PSORS1C1: variants seen among roughly 807,000 people sequenced by gnomAD.
PSORS1C1 encodes the protein psoriasis susceptibility 1 candidate gene 1 protein.
Under a neutral mutation model 9.4 loss-of-function variants are expected in PSORS1C1, and 7 were observed. That is an observed-to-expected ratio of 0.75 (90% CI 0.42 to 1.40). The LOEUF is 1.40. PSORS1C1 is among the 40% of genes most tolerant of loss of function. PSORS1C1 has a pLI of 0.01. For synonymous variants in PSORS1C1, 63 were observed against 69.4 expected (o/e 0.91, Z 0.46); for missense variants, 146 against 178.1 (o/e 0.82, Z 1.02).
At chr6:31,119,719 G>A (rs3095321) in intron 1 of PSORS1C1, among the ~76,000 whole-genome samples, 115,068 of 151,942 alleles carry the variant, frequency 0.76, 43,908 homozygotes, top group South Asian at 0.83. Context: ...CCAAAATGGT[G>A]AAACCCTGTT....
At chr6:31,134,017 C>T (rs1461748785) in intron 3 of PSORS1C1, among the ~76,000 whole-genome samples, 2 of 152,142 alleles carry the variant, frequency 1.3e-5, no homozygotes, top group Non-Finnish European at 2.9e-5. Flanking sequence ...CTTGCTCTGT[C>T]GCCCAGGCTG....
intron 1 of PSORS1C1, chr6:31,117,196 T>A (rs932993278): frequency 3.1e-6 from 5 of 1,613,000 alleles, no homozygotes; most frequent in South Asian, 1.1e-5. Context: ...GTTTCCCGAG[T>A]GAGAGCTGCT....
At chr6:31,124,772 C>A (rs1448909646) in intron 1 of PSORS1C1, among the ~76,000 whole-genome samples, 7 of 152,166 alleles carry the variant, frequency 4.6e-5, no homozygotes, top group Non-Finnish European at 8.8e-5. Flanking sequence ...GAATTTGAAA[C>A]CAGCCTGGCC....
Position 31,139,983 on chromosome 6 carries a change from G to A in PSORS1C1, c.*51G>A. 1 of 1,531,382 alleles carries A rather than the reference G, an allele frequency of 6.5e-7. No individual in the cohort carries two copies. The highest frequency in any genetic ancestry group is 9.0e-7 in the Non-Finnish European group (1 of 1,114,508). 94.9% of individuals were successfully genotyped at this position (1,531,382 alleles called of 1,614,324 possible). On this transcript the variant is annotated 3_prime_UTR_variant, in exon 6 of 6. Coordinates refer to ENST00000259881, the MANE Select transcript of PSORS1C1 (RefSeq NM_014068.3). The surrounding 1 kb of genome is among the most constrained non-coding windows in gnomAD (Gnocchi z 5.2). ...TTTCCCTCAAGGACCTTTCTGCCTG[G>A]AAGTCTGTTAGCCTTTCAGAAGTAA...
Position 31,139,792 on chromosome 6 carries a change from G to A in PSORS1C1, c.319G>A (p.Glu107Lys). ...FASVLPMAPEEAARLQQPQPL... is the reference protein window; with the variant it reads ...FASVLPMAPEKAARLQQPQPL... ...ATCAGTCCTGCCAATGGCTCCGGAA[G>A]AAGCTGCCAGGCTCCAGCAACCTCA... The change falls in exon 6 of 6, where the codon GAA becomes AAA. Residue 107 changes from glutamate to lysine, a missense_variant. Glu to Lys is a moderately conservative substitution (Grantham distance 56). Coordinates refer to ENST00000259881, the MANE Select transcript of PSORS1C1 (RefSeq NM_014068.3). This position sits in a 1 kb window ranked among gnomAD's most constrained non-coding sequence, Gnocchi z 5.2. The A allele has an allele frequency of 1.9e-6, 3 of 1,613,108 alleles. No individual in the cohort carries two copies. The highest frequency in any genetic ancestry group is 2.5e-6 in the Non-Finnish European group (3 of 1,180,032).
At chr6:31,127,417 G>A (rs1223727254) in intron 2 of PSORS1C1, among the ~76,000 whole-genome samples, 1 of 152,026 alleles carries the variant, frequency 6.6e-6, no homozygotes, top group South Asian at 2.1e-4. Flanking sequence ...CTCGTGTCCC[G>A]CTCTGTTCTC....
At position 31,138,745 on chromosome 6, in the gene PSORS1C1, C is replaced by T. The variant is rs771195202; in HGVS notation, c.133C>T (p.Arg45Ter). 3.3e-5 allele frequency: 54 copies of T among 1,613,976 alleles called. No homozygotes were observed. In the South Asian group the frequency reaches 5.5e-4, roughly 16 times the overall value. ...ETRPPHVNPD[R>*]LCHMEPANHF... Reference sequence around the variant, plus strand: ...TCGTCCCCCCCACGTTAATCCTGACCGACTTTGCCACATGGAGCCAGCAAA... The same window carrying T: ...TCGTCCCCCCCACGTTAATCCTGACTGACTTTGCCACATGGAGCCAGCAAA... The change falls in exon 5 of 6, where the codon CGA (arginine) becomes TGA (stop). Residue 45 changes from arginine (R) to a stop codon, truncating the protein, a stop_gained. Coordinates refer to ENST00000259881, the MANE Select transcript of PSORS1C1 (RefSeq NM_014068.3). LOFTEE classifies it low-confidence loss of function (END_TRUNC).
intron 2 of PSORS1C1, among the ~76,000 whole-genome samples, chr6:31,126,295 C>T (rs1425019752): frequency 1.3e-5 from 2 of 152,200 alleles, no homozygotes; most frequent in Non-Finnish European, 2.9e-5. Context: ...TGAGGACGTA[C>T]TGGGGTTTCC....
chr6:31,136,473 G>A (rs572273417), intron 3 of PSORS1C1, among the ~76,000 whole-genome samples: 12 of 152,068 alleles, frequency 7.9e-5, no homozygotes, highest in African/African-American at 1.7e-4. Context: ...GACCTTTGGC[G>A]GCTCTGGGAA....
rs71541434 is a variant in PSORS1C1, at chr6:31,127,820, A to C, written c.-64-1749A>C. ...CAAGAGCGAAACTCTGTCTCAAAAA[A>C]ACACACATACACACACACGTTTGGG... is the stretch of plus-strand genomic sequence containing the variant. On this transcript the variant is annotated intron_variant, in intron 2 of 5. Transcript: ENST00000259881. Among the ~76,000 whole-genome samples, 662 of 150,584 alleles carry C rather than the reference A, an allele frequency of 4.4e-3. 13 individuals carry two copies. In the South Asian group the frequency reaches 0.067, roughly 15 times the overall value.
At chr6:31,127,013 G>T (rs1023475455) in intron 2 of PSORS1C1, among the ~76,000 whole-genome samples, 1 of 152,170 alleles carries the variant, frequency 6.6e-6, no homozygotes, top group Non-Finnish European at 1.5e-5. Flanking sequence ...AGCTCTCCTT[G>T]TCTGCTCATT....
chr6:31,118,828 T>G (rs906874438), intron 1 of PSORS1C1: 1 of 132,030 alleles, frequency 7.6e-6, no homozygotes. Context: ...CACCTGGAAG[T>G]TTTTTCTTCT....
intron 3 of PSORS1C1, among the ~76,000 whole-genome samples, chr6:31,135,778 T>C (rs1364562318): frequency 6.6e-6 from 1 of 152,344 alleles, no homozygotes; most frequent in East Asian, 1.9e-4. Context: ...GGCTCGTGCC[T>C]GTAATCTCAG....
At chr6:31,129,676 T>G (rs3130560) in intron 3 of PSORS1C1, 31 bp downstream of exon 3, 578,505 of 779,170 alleles carry the variant, frequency 0.74, 217,178 homozygotes, top group East Asian at 0.88. Flanking sequence ...TTGGTTCCTC[T>G]TCTGTGAAAT....
At chr6:31,116,929 C>T (rs1247913805) in intron 1 of PSORS1C1, 2 of 1,614,042 alleles carry the variant, frequency 1.2e-6, no homozygotes, top group African/African-American at 1.3e-5. Context: ...GATGGGCCCT[C>T]CACTGCAGGG....
In PSORS1C1 at chr6:31,139,431, C is replaced by T. The variant is rs1000289720; in HGVS notation, c.168-210C>T. On this transcript the variant is annotated intron_variant, in intron 5 of 5. Transcript: ENST00000259881. This position sits in a 1 kb window ranked among gnomAD's most constrained non-coding sequence, Gnocchi z 5.2. Reference sequence around the variant, plus strand: ...CCACGCGATGGGCGTTGGGAAGCACCGTAATTACAGGGTTGGGAGGCAGGA... The same window carrying T: ...CCACGCGATGGGCGTTGGGAAGCACTGTAATTACAGGGTTGGGAGGCAGGA... 4 of 600,384 alleles carry T rather than the reference C, an allele frequency of 6.7e-6. No homozygotes were observed. Among genetic ancestry groups the T allele is most frequent in the South Asian group, 2.0e-5 (1 of 49,196 alleles). The allele number at this position is 600,384 out of a possible 1,614,324, so 37.2% of individuals were successfully genotyped here. A position where few individuals can be genotyped will look rare whatever the true frequency, so the allele number is the denominator to read the frequency against.
At chr6:31,122,646 G>T (rs993045207) in intron 1 of PSORS1C1, among the ~76,000 whole-genome samples, 4 of 152,192 alleles carry the variant, frequency 2.6e-5, no homozygotes, top group Non-Finnish European at 5.9e-5. Flanking sequence ...AGGCGTGGTG[G>T]TGGGCGCCTG....
intron 3 of PSORS1C1, among the ~76,000 whole-genome samples, chr6:31,133,973 GT>G (rs1005120258): frequency 6.6e-6 from 1 of 151,274 alleles, no homozygotes; most frequent in African/African-American, 2.4e-5. Context: ...ACCACATGTA[GT>G]TTTTTTTTGT....
chr6:31,129,420 A>G (rs1380508396), intron 2 of PSORS1C1, 149 bp from the exon 3 acceptor site: 1 of 582,168 alleles, frequency 1.7e-6, no homozygotes, highest in Non-Finnish European at 3.1e-6. Context: ...AAATACCTCC[A>G]TACCATCCAG....
Sources: allele counts gnomAD v4.1 joint callset (sites outside exome capture counted in the v4.1 genomes callset), GRCh38; gene constraint gnomAD v4.1.1; non-coding constraint Gnocchi (gnomAD v3.1); transcripts MANE v1.5; gene names NCBI Gene and HGNC (gene_info 2026-07-23, HGNC 2026-07-21).